Variants in NR2C2 observed in about 807,000 individuals in gnomAD.
NR2C2 encodes nuclear receptor subfamily 2 group C member 2.
A neutral mutation model predicts 62.9 loss-of-function variants in NR2C2; 6 were observed. That is an observed-to-expected ratio of 0.10 (90% CI 0.05 to 0.19). The LOEUF (loss-of-function observed/expected upper bound fraction) is 0.19. Ranked by LOEUF, NR2C2 falls within the 10% of genes least tolerant of loss-of-function variation. The pLI is 1.00. For missense variants in NR2C2, 479 were observed against 762.7 expected (o/e 0.63, Z 4.38); for synonymous variants, 272 against 273.8 (o/e 0.99, Z 0.07).
At chr3:14,954,202 G>T (rs1223807525) in intron 1 of NR2C2, among the ~76,000 whole-genome samples, 1 of 151,918 alleles carries the variant, frequency 6.6e-6, no homozygotes, top group Non-Finnish European at 1.5e-5. Flanking sequence ...GTATATATCA[G>T]CTTTTAACTG....
At position 14,947,696 on chromosome 3, in the gene NR2C2, C is replaced by A. The variant is rs989975878; in HGVS notation, c.-250C>A. ...TAACAAACCCCCCCTTCTCCGCGAC[C>A]CCGGCGGCGCCCCCGGGCCCGTCCC... On this transcript the variant is annotated 5_prime_UTR_variant, in exon 1 of 14. Transcript: ENST00000425241. The A allele has an allele frequency of 2.0e-4, 30 of 149,958 alleles. No individual in the cohort carries two copies. Among genetic ancestry groups the A allele is most frequent in the South Asian group, 1.5e-3 (8 of 5,470 alleles). 9.3% of individuals were successfully genotyped at this position (149,958 alleles called of 1,614,324 possible). A position where few individuals can be genotyped will look rare whatever the true frequency, so the allele number is the denominator to read the frequency against.
intron 13 of NR2C2, among the ~76,000 whole-genome samples, chr3:15,042,026 T>C (rs182077630): frequency 1.3e-3 from 193 of 152,372 alleles, no homozygotes; most frequent in African/African-American, 4.4e-3. Context: ...TCATTTTCTA[T>C]GGTTCCTATT....
At chr3:14,990,790 T>A (rs770057596) in intron 1 of NR2C2, among the ~76,000 whole-genome samples, 3 of 152,260 alleles carry the variant, frequency 2.0e-5, no homozygotes, top group Non-Finnish European at 4.4e-5. Flanking sequence ...ATTTCAGTAG[T>A]CACTTATTTT....
At chr3:15,025,158 A>G (rs2041788898) in intron 7 of NR2C2, among the ~76,000 whole-genome samples, 1 of 152,242 alleles carries the variant, frequency 6.6e-6, no homozygotes, top group Admixed American at 6.5e-5. Flanking sequence ...CTCTGACTGC[A>G]TGGTCAAATG....
chr3:14,985,174 A>G (rs1032656826), intron 1 of NR2C2, among the ~76,000 whole-genome samples: 8 of 152,174 alleles, frequency 5.3e-5, no homozygotes, highest in African/African-American at 1.7e-4. Flanking sequence ...TATTCTGGAT[A>G]AGATACATGT....
intron 1 of NR2C2, among the ~76,000 whole-genome samples, chr3:14,979,699 A>C (rs2125322941): frequency 6.6e-6 from 1 of 152,146 alleles, no homozygotes; most frequent in East Asian, 1.9e-4. Flanking sequence ...TGCTTGGTAC[A>C]ATAAAGGAAT....
chr3:14,996,925 A>G (rs2040849857), intron 1 of NR2C2, among the ~76,000 whole-genome samples: 1 of 152,246 alleles, frequency 6.6e-6, no homozygotes, highest in Non-Finnish European at 1.5e-5. Flanking sequence ...GTCAGATTCC[A>G]TAGCCTGTGG....
At chr3:14,963,200 T>C (rs1245304901) in intron 1 of NR2C2, among the ~76,000 whole-genome samples, 1 of 152,226 alleles carries the variant, frequency 6.6e-6, no homozygotes, top group Non-Finnish European at 1.5e-5. Context: ...ATGGTAAAGC[T>C]AAAACACTAA....
intron 1 of NR2C2, among the ~76,000 whole-genome samples, chr3:14,987,785 C>T (rs371360022): frequency 9.8e-5 from 15 of 152,306 alleles, no homozygotes; most frequent in African/African-American, 3.1e-4. Flanking sequence ...AATCAAGATA[C>T]GTTTATTGAA....
At chr3:14,991,348 T>C (rs1226809606) in intron 1 of NR2C2, among the ~76,000 whole-genome samples, 1 of 152,240 alleles carries the variant, frequency 6.6e-6, no homozygotes, top group Non-Finnish European at 1.5e-5. Flanking sequence ...TTCTTCTCGC[T>C]GATGCAAGTT....
At chr3:14,966,093 C>T (rs1376279098) in intron 1 of NR2C2, among the ~76,000 whole-genome samples, 2 of 152,216 alleles carry the variant, frequency 1.3e-5, no homozygotes. Context: ...AGAGGGCCTA[C>T]ACTTTATCAT....
At chr3:15,016,408 TA>T (rs1173404298) in intron 4 of NR2C2, among the ~76,000 whole-genome samples, 154 bp downstream of exon 4, 2 of 152,178 alleles carry the variant, frequency 1.3e-5, no homozygotes, top group Non-Finnish European at 2.9e-5. Context: ...GGTAATGATG[TA>T]AATAAGTAAG....
chr3:14,993,792 G>A (rs1353940747), intron 1 of NR2C2, among the ~76,000 whole-genome samples: 1 of 152,146 alleles, frequency 6.6e-6, no homozygotes, highest in African/African-American at 2.4e-5. Context: ...TGTGACCCAT[G>A]CCCCCTCTCA....
intron 1 of NR2C2, among the ~76,000 whole-genome samples, chr3:14,971,998 G>A (rs1157424678): frequency 2.0e-5 from 3 of 151,160 alleles, no homozygotes; most frequent in African/African-American, 7.3e-5. Context: ...TAGTAGAGAC[G>A]GGGTATCTCC....
intron 1 of NR2C2, among the ~76,000 whole-genome samples, chr3:14,992,459 T>C (rs2040698569): frequency 6.6e-6 from 1 of 152,176 alleles, no homozygotes; most frequent in African/African-American, 2.4e-5. Context: ...AGACAGAGAC[T>C]GCTTATTCAT....
chr3:14,974,609 GT>G (rs563116807), intron 1 of NR2C2, among the ~76,000 whole-genome samples: 89 of 138,742 alleles, frequency 6.4e-4, no homozygotes, highest in Admixed American at 8.7e-4. Context: ...TTTTTTGTTG[GT>G]TTTTTTTTTT....
intron 1 of NR2C2, among the ~76,000 whole-genome samples, chr3:14,963,224 G>A (rs60231747): frequency 2.6e-5 from 4 of 152,114 alleles, no homozygotes; most frequent in African/African-American, 9.7e-5. Flanking sequence ...CATACTTTGG[G>A]CATTCATTCT....
chr3:15,022,699 T>A (rs901984733), intron 5 of NR2C2, among the ~76,000 whole-genome samples: 1 of 152,242 alleles, frequency 6.6e-6, no homozygotes, highest in South Asian at 2.1e-4. Flanking sequence ...GGCATTTTTT[T>A]ATCCTTGAAA....
intron 2 of NR2C2, among the ~76,000 whole-genome samples, chr3:15,004,998 C>T (rs1470042593): frequency 6.6e-6 from 1 of 152,006 alleles, no homozygotes; most frequent in East Asian, 1.9e-4. Flanking sequence ...AGTGATACTC[C>T]TGCCTCAGCT....
Sources: allele counts gnomAD v4.1 joint callset (sites outside exome capture counted in the v4.1 genomes callset), GRCh38; gene constraint gnomAD v4.1.1; transcripts MANE v1.5; gene names NCBI Gene and HGNC (gene_info 2026-07-23, HGNC 2026-07-21).